SAMD5: variants seen among roughly 807,000 people sequenced by gnomAD.
SAMD5 encodes the protein sterile alpha motif domain containing 5.
Under a neutral mutation model 11.3 loss-of-function variants are expected in SAMD5, and 13 were observed. The observed-to-expected ratio is 1.15, with a 90% CI of 0.75 to 1.83. The LOEUF (loss-of-function observed/expected upper bound fraction) is 1.83. SAMD5 is among the 40% of genes most tolerant of loss of function. The probability of loss-of-function intolerance (pLI) is 0.00; values close to 1 mark genes in which losing one functional copy is unlikely to be tolerated. For synonymous variants in SAMD5, 129 were observed against 111.3 expected, an observed-to-expected ratio of 1.16 and a Z score of -1.00; for missense variants, 255 against 239.1, an observed-to-expected ratio of 1.07 and a Z score of -0.44.
At chr6:147,816,301 A>AAAAAAAAAAAAAAAAAAAAAAATATAT in the SAMD5 span, among the ~76,000 whole-genome samples, 1 of 66,362 alleles carries the variant, frequency 1.5e-5, no homozygotes, top group African/African-American at 1.0e-4. Flanking sequence ...AAAAAAAAAA[A>AAAAAAAAAAAAAAAAAAAAAAATATAT]ATATATATAT....
At chr6:147,587,446 A>G (rs1307237570) in intron 1 of SAMD5, among the ~76,000 whole-genome samples, 1 of 152,158 alleles carries the variant, frequency 6.6e-6, no homozygotes, top group Non-Finnish European at 1.5e-5. Flanking sequence ...CATGACAGCC[A>G]GGTTGGTCTC....
At chr6:147,760,278 G>T in the SAMD5 span, among the ~76,000 whole-genome samples, 3 of 152,076 alleles carry the variant, frequency 2.0e-5, no homozygotes, top group Admixed American at 6.6e-5. Flanking sequence ...GACAATTGAG[G>T]TATATGTTTG....
At position 147,657,454 on chromosome 6, in the gene SAMD5, A is replaced by G. The variant is rs1230592588; in HGVS notation, c.163-79863A>G. On this transcript the variant is annotated intron_variant, in intron 1 of 1. Transcript: ENST00000566741. The stretch of plus-strand genomic sequence containing the variant: ...TTTCTAATACTCCAGGACAAACATG[A>G]GAGAGAGCGAGAGAGAGAGTGAGTA... 2.6e-5 allele frequency among the ~76,000 whole-genome samples: 4 copies of G among 152,146 alleles called. No homozygotes were observed. In the East Asian group the frequency reaches 7.7e-4, roughly 29 times the overall value.
the SAMD5 span, among the ~76,000 whole-genome samples, chr6:147,762,842 A>G: frequency 5.3e-5 from 8 of 152,228 alleles, no homozygotes; most frequent in Non-Finnish European, 1.2e-4. Flanking sequence ...TGATGGGTAC[A>G]GTAAAATATA....
intron 1 of SAMD5, among the ~76,000 whole-genome samples, chr6:147,541,275 T>A (rs973413103): frequency 3.3e-5 from 5 of 152,064 alleles, no homozygotes; most frequent in Non-Finnish European, 7.4e-5. Flanking sequence ...CCAGAGACAA[T>A]CACCCTTTCC....
At chr6:147,761,141 C>G in the SAMD5 span, among the ~76,000 whole-genome samples, 1 of 152,192 alleles carries the variant, frequency 6.6e-6, no homozygotes, top group African/African-American at 2.4e-5. Flanking sequence ...TACTTTGTAT[C>G]TTTGTGGGGA....
chr6:147,941,939 T>A, the SAMD5 span, among the ~76,000 whole-genome samples: 1 of 152,150 alleles, frequency 6.6e-6, no homozygotes, highest in Admixed American at 6.5e-5. Flanking sequence ...AGTGGTGCAA[T>A]CTCGGCTCAC....
the SAMD5 span, among the ~76,000 whole-genome samples, chr6:147,745,178 CA>C: frequency 6.6e-6 from 1 of 151,880 alleles, no homozygotes; most frequent in Non-Finnish European, 1.5e-5. Flanking sequence ...AGAATTTGAT[CA>C]AAATAACTGT....
At chr6:147,876,284 A>G in the SAMD5 span, among the ~76,000 whole-genome samples, 196 of 152,340 alleles carry the variant, frequency 1.3e-3, no homozygotes, top group African/African-American at 4.4e-3. Flanking sequence ...AGCTCTGCAG[A>G]GTCTCTCTTC....
chr6:147,519,134 CAGTT>C (rs1788214862), intron 1 of SAMD5, among the ~76,000 whole-genome samples: 1 of 152,112 alleles, frequency 6.6e-6, no homozygotes, highest in Non-Finnish European at 1.5e-5. Flanking sequence ...ATAAGGAAAA[CAGTT>C]GGTATGTATT....
At chr6:147,737,070 A>G (rs1457038521) in intron 1 of SAMD5, among the ~76,000 whole-genome samples, 2 of 152,166 alleles carry the variant, frequency 1.3e-5, no homozygotes, top group Non-Finnish European at 2.9e-5. Context: ...TTTGCAATGC[A>G]TGTATATTAT....
rs1228274733 is a variant in SAMD5, at chr6:147,567,824, A to T, written c.*3368A>T. ...ATAAAAAAGGCTACAGTACCTGCTC[A>T]TAGGAGTTCAGTAAATGTTTATTGA... On this transcript the variant is annotated 3_prime_UTR_variant, in exon 2 of 2. Coordinates refer to ENST00000367474, the MANE Select transcript of SAMD5 (RefSeq NM_001030060.3). 6.1e-6 allele frequency: 6 copies of T among 985,154 alleles called. No homozygotes were observed. The highest frequency in any genetic ancestry group is 6.1e-5 in the Admixed American group (1 of 16,270). 61.0% of individuals were successfully genotyped at this position (985,154 alleles called of 1,614,324 possible). A position where few individuals can be genotyped will look rare whatever the true frequency, so the allele number is the denominator to read the frequency against.
the SAMD5 span, chr6:147,953,708 GA>G: frequency 6.6e-6 from 1 of 152,102 alleles, no homozygotes; most frequent in Non-Finnish European, 1.5e-5. Context: ...GTTATTATTT[GA>G]AATGTAAATA....
In SAMD5 at chr6:147,566,043, AATAG is replaced by A. The variant is rs1214232955; in HGVS notation, c.*1592_*1595del. On this transcript the variant is annotated 3_prime_UTR_variant, in exon 2 of 2. Coordinates refer to ENST00000367474, the MANE Select transcript of SAMD5 (RefSeq NM_001030060.3). ...TTCCTGGTCCATTTTGGTTCCTAAG[AATAG>A]ATAGGCCATTAAGAAGGATATTAGG... is the stretch of plus-strand genomic sequence containing the variant. 6 of 985,098 alleles carry A rather than the reference AATAG, an allele frequency of 6.1e-6. No homozygotes were observed. Among genetic ancestry groups the A allele is most frequent in the South Asian group, 4.7e-5 (1 of 21,282 alleles). 61.0% of individuals were successfully genotyped at this position (985,098 alleles called of 1,614,324 possible).
intron 1 of SAMD5, among the ~76,000 whole-genome samples, chr6:147,554,653 A>G (rs1255190380): frequency 1.3e-5 from 2 of 152,084 alleles, no homozygotes; most frequent in African/African-American, 4.8e-5. Context: ...AAGTCACCTC[A>G]CCTTAATGGC....
At chr6:147,744,105 G>A in the SAMD5 span, among the ~76,000 whole-genome samples, 1 of 152,146 alleles carries the variant, frequency 6.6e-6, no homozygotes, top group East Asian at 1.9e-4. Context: ...CAGCTGTACA[G>A]CACTGACTGC....
At chr6:147,875,109 A>G in the SAMD5 span, among the ~76,000 whole-genome samples, 1 of 152,304 alleles carries the variant, frequency 6.6e-6, no homozygotes, top group East Asian at 1.9e-4. Context: ...AATAATAATA[A>G]TAGTCACTTT....
intron 1 of SAMD5, among the ~76,000 whole-genome samples, chr6:147,546,567 TC>T (rs1428712785): frequency 6.8e-6 from 1 of 147,864 alleles, no homozygotes; most frequent in Non-Finnish European, 1.5e-5. Flanking sequence ...GGAAGTGACT[TC>T]TGTTATTTCT....
chr6:147,952,685 G>C, the SAMD5 span, among the ~76,000 whole-genome samples: 1 of 152,132 alleles, frequency 6.6e-6, no homozygotes, highest in African/African-American at 2.4e-5. Context: ...AATTTTTTTT[G>C]TACTTTTTGT....
Sources: allele counts gnomAD v4.1 joint callset (sites outside exome capture counted in the v4.1 genomes callset), GRCh38; gene constraint gnomAD v4.1.1; transcripts MANE v1.5; gene names NCBI Gene and HGNC (gene_info 2026-07-23, HGNC 2026-07-21).